The following ENOX1 variants were observed in gnomAD, a reference collection of about 807,000 sequenced individuals.
The protein encoded by ENOX1 is candidate growth-related and time keeping constitutive hydroquinone (NADH) oxidase.
ENOX1 carries 42 observed loss-of-function variants against 82.5 expected under a neutral mutation model. That is an observed-to-expected ratio of 0.51 (90% confidence interval 0.40 to 0.66). The LOEUF (loss-of-function observed/expected upper bound fraction) is 0.66, where lower values mean the gene tolerates loss of function less well. ENOX1 is among the 30% of genes least tolerant of loss of function. ENOX1 has a pLI of 0.00. For missense variants in ENOX1, 608 were observed against 811.6 expected, an observed-to-expected ratio of 0.75 and a Z score of 3.05; for synonymous variants, 271 against 282.2, an observed-to-expected ratio of 0.96 and a Z score of 0.40.
chr13:43,483,661 A>T (rs1053587338), intron 3 of ENOX1, among the ~76,000 whole-genome samples: 1 of 152,208 alleles, frequency 6.6e-6, no homozygotes, highest in Non-Finnish European at 1.5e-5. Flanking sequence ...CAAGGTCTTA[A>T]ACAATTGAAA....
intron 12 of ENOX1, among the ~76,000 whole-genome samples, chr13:43,294,314 T>C (rs1404781245): frequency 6.6e-6 from 1 of 152,230 alleles, no homozygotes; most frequent in Non-Finnish European, 1.5e-5. Flanking sequence ...TACACAAGGC[T>C]TCAAAAAGAA....
chr13:43,457,710 T>G (rs1337755264), intron 3 of ENOX1, among the ~76,000 whole-genome samples: 1 of 152,168 alleles, frequency 6.6e-6, no homozygotes, highest in Admixed American at 6.5e-5. Context: ...TGGAAGGCAG[T>G]TAAGCAATTT....
At chr13:43,386,171 C>G (rs1566090325) in intron 5 of ENOX1, among the ~76,000 whole-genome samples, 1 of 152,026 alleles carries the variant, frequency 6.6e-6, no homozygotes, top group South Asian at 2.1e-4. Flanking sequence ...GTCTCAAAAA[C>G]AAAACAAACA....
chr13:43,363,799 T>A (rs945867673), intron 5 of ENOX1, among the ~76,000 whole-genome samples: 1 of 152,222 alleles, frequency 6.6e-6, no homozygotes, highest in African/African-American at 2.4e-5. Context: ...AACAGACTTC[T>A]GTTTTCTTTC....
chr13:43,687,423 A>C (rs1402656922), intron 1 of ENOX1, among the ~76,000 whole-genome samples: 1 of 152,144 alleles, frequency 6.6e-6, no homozygotes, highest in Non-Finnish European at 1.5e-5. Flanking sequence ...TGAGTGTCGT[A>C]TGTGTGGTTA....
intron 2 of ENOX1, among the ~76,000 whole-genome samples, chr13:43,597,623 A>G (rs1021910136): frequency 1.3e-5 from 2 of 152,030 alleles, no homozygotes; most frequent in Non-Finnish European, 2.9e-5. Context: ...CCCTTTCTCT[A>G]TTTATTCTGT....
intron 14 of ENOX1, among the ~76,000 whole-genome samples, chr13:43,251,272 A>T (rs1401679215): frequency 6.6e-6 from 1 of 152,194 alleles, no homozygotes; most frequent in Non-Finnish European, 1.5e-5. Flanking sequence ...AGTTAACTGG[A>T]GTGATGTGTG....
intron 2 of ENOX1, among the ~76,000 whole-genome samples, chr13:43,484,830 C>A (rs1336976655): frequency 6.6e-6 from 1 of 152,216 alleles, no homozygotes; most frequent in Non-Finnish European, 1.5e-5. Context: ...CACATAAATA[C>A]AAATGCCCAG....
intron 9 of ENOX1, among the ~76,000 whole-genome samples, chr13:43,338,741 A>G (rs1035069054): frequency 1.6e-5 from 2 of 125,356 alleles, no homozygotes; most frequent in African/African-American, 3.1e-5. Flanking sequence ...GCTGGAGTGC[A>G]GTGGCGCCAT....
At chr13:43,694,209 T>C (rs1474228981) in intron 1 of ENOX1, among the ~76,000 whole-genome samples, 2 of 98,970 alleles carry the variant, frequency 2.0e-5, no homozygotes, top group Non-Finnish European at 4.0e-5. Context: ...GGTAAAATCA[T>C]GGAAATTAAA....
rs2085041627 is a variant in ENOX1, at chr13:43,667,543, A to G, written c.-283T>C. 1 of 977,568 alleles carries G rather than the reference A, an allele frequency of 1.0e-6. No homozygotes were observed. Among genetic ancestry groups the G allele is most frequent in the Admixed American group, 6.2e-5 (1 of 16,240 alleles). 60.6% of individuals were successfully genotyped at this position (977,568 alleles called of 1,614,324 possible). ...TACGACATCATGCTGGCAGCAAAGG[A>G]CCTGTAAAATAAAGGCCATCTTGTT... On this transcript the variant is annotated splice_region_variant and 5_prime_UTR_variant, in exon 2 of 17. Coordinates refer to ENST00000690772, the MANE Select transcript of ENOX1 (RefSeq NM_001347969.2).
chr13:43,377,456 G>T lies in ENOX1; in HGVS notation c.209-16004C>A, dbSNP rs1278041116. Among the ~76,000 whole-genome samples the T allele has an allele frequency of 5.9e-5, 9 of 152,260 alleles. No homozygotes were observed. The East Asian group carries it at 1.2e-3, about 20-fold the overall frequency. On this transcript the variant is annotated intron_variant, in intron 5 of 16. Coordinates refer to ENST00000690772, the MANE Select transcript of ENOX1 (RefSeq NM_001347969.2). ...GGTACTCTGTTATAGCAGCATAAAT[G>T]AACTAAGATACTCCCCACCTCACAT...
At chr13:43,281,801 G>A (rs984356276) in intron 12 of ENOX1, among the ~76,000 whole-genome samples, 1 of 152,154 alleles carries the variant, frequency 6.6e-6, no homozygotes, top group Non-Finnish European at 1.5e-5. Context: ...CTTTTCAAAA[G>A]GGAAGAATAG....
intron 2 of ENOX1, among the ~76,000 whole-genome samples, chr13:43,629,981 G>A (rs1210093767): frequency 6.6e-6 from 1 of 152,102 alleles, no homozygotes; most frequent in Non-Finnish European, 1.5e-5. Context: ...GCAGAGTTCT[G>A]AGAAGGGAAT....
At chr13:43,759,402 G>A (rs563926218) in intron 1 of ENOX1, among the ~76,000 whole-genome samples, 1 of 152,098 alleles carries the variant, frequency 6.6e-6, no homozygotes, top group South Asian at 2.1e-4. Context: ...CCAGCTGCTT[G>A]AACTGATCAG....
intron 6 of ENOX1, among the ~76,000 whole-genome samples, 195 bp from the exon 7 acceptor site, chr13:43,360,252 G>A (rs901656616): frequency 1.3e-5 from 2 of 152,016 alleles, no homozygotes; most frequent in Non-Finnish European, 1.5e-5. Flanking sequence ...TTTACTTTCT[G>A]TGTTCATTGC....
At chr13:43,350,113 C>A (rs570878387) in intron 8 of ENOX1, among the ~76,000 whole-genome samples, 1 of 152,274 alleles carries the variant, frequency 6.6e-6, no homozygotes, top group African/African-American at 2.4e-5. Flanking sequence ...GATAACAATA[C>A]AAATAATTCG....
chr13:43,436,884 A>G (rs2056064597), intron 3 of ENOX1, among the ~76,000 whole-genome samples: 2 of 152,194 alleles, frequency 1.3e-5, no homozygotes, highest in South Asian at 4.1e-4. Flanking sequence ...TCCTAGTGAA[A>G]CAAAAAGAGA....
rs758882633 is a variant in ENOX1, at chr13:43,639,654, T to C, written c.-219+27825A>G. On this transcript the variant is annotated intron_variant, in intron 2 of 16. Coordinates refer to ENST00000690772, the MANE Select transcript of ENOX1 (RefSeq NM_001347969.2). ...CAGCATTCATGACTCTAAGCCAACATGGTTTTTATGTTTTAAAAAACACAT... is the reference window on the plus strand; with the variant it reads ...CAGCATTCATGACTCTAAGCCAACACGGTTTTTATGTTTTAAAAAACACAT... Among the ~76,000 whole-genome samples, 6 of 152,346 alleles carry C rather than the reference T, an allele frequency of 3.9e-5. No homozygotes were observed. The South Asian group carries it at 6.2e-4, about 16-fold the overall frequency.
Sources: allele counts gnomAD v4.1 joint callset (sites outside exome capture counted in the v4.1 genomes callset), GRCh38; gene constraint gnomAD v4.1.1; transcripts MANE v1.5; gene names NCBI Gene and HGNC (gene_info 2026-07-23, HGNC 2026-07-21).